Variants in SLC9C1 observed in about 807,000 individuals in gnomAD.
SLC9C1 encodes sodium/hydrogen exchanger 10.
In SLC9C1, 97 loss-of-function variants were observed where a neutral mutation model predicts 140.9. The ratio of observed to expected loss-of-function variants is 0.69; its 90% CI spans 0.58 to 0.82. The LOEUF (loss-of-function observed/expected upper bound fraction) is 0.82, where lower values mean the gene tolerates loss of function less well. Among genes scored for constraint, SLC9C1 ranks in the 40% least tolerant of loss-of-function variants. The pLI, the probability that SLC9C1 is intolerant of heterozygous loss-of-function variation, is 0.00. For synonymous variants in SLC9C1, 440 were observed against 442.6 expected (o/e 0.99, Z 0.07); for missense variants, 1,340 against 1,389.3 (o/e 0.96, Z 0.56).
At position 112,246,191 on chromosome 3, in the gene SLC9C1, G is replaced by C. The variant is rs59572194; in HGVS notation, c.1198-2115C>G. On this transcript the variant is annotated intron_variant, in intron 10 of 28. Coordinates refer to ENST00000305815, the MANE Select transcript of SLC9C1 (RefSeq NM_183061.3). ...ACATGACATCAAGAGTGCAGCATCA[G>C]CCTCTGGCTTGTAAAGGCACCCAGT... Among the ~76,000 whole-genome samples the C allele has an allele frequency of 1.2e-4, 18 of 152,228 alleles. No individual in the cohort carries two copies. In the East Asian group the frequency reaches 3.5e-3, roughly 29 times the overall value.
chr3:112,174,783 T>A (rs2077306294), intron 23 of SLC9C1, among the ~76,000 whole-genome samples: 1 of 152,164 alleles, frequency 6.6e-6, no homozygotes. Context: ...GACTCTATGA[T>A]TTCCTCCTTG....
At chr3:112,254,850 T>C (rs1304787) in intron 10 of SLC9C1, among the ~76,000 whole-genome samples, 89,932 of 151,816 alleles carry the variant, frequency 0.59, 27,148 homozygotes, top group East Asian at 0.79. Flanking sequence ...AGAGACCCCT[T>C]TCATCTGCAG....
chr3:112,264,111 T>C (rs2079851211), intron 9 of SLC9C1, 89 bp downstream of exon 9: 1 of 620,916 alleles, frequency 1.6e-6, no homozygotes, highest in Non-Finnish European at 2.3e-6. Context: ...TTTTTCAATC[T>C]AAGGTACGAA....
chr3:112,264,441 C>A, intron 8 of SLC9C1, 98 bp from the exon 9 acceptor site: 1 of 625,062 alleles, frequency 1.6e-6, no homozygotes, highest in South Asian at 4.8e-5. Context: ...TAATGATTAC[C>A]AAAAAATGAA....
At chr3:112,161,703 G>A (rs1225197156) in intron 26 of SLC9C1, among the ~76,000 whole-genome samples, 7 of 152,066 alleles carry the variant, frequency 4.6e-5, no homozygotes, top group Admixed American at 1.3e-4. Context: ...GTCAGGTAGC[G>A]TGATGCCTCC....
chr3:112,275,990 G>A (rs1398007756), intron 5 of SLC9C1, among the ~76,000 whole-genome samples: 1 of 152,020 alleles, frequency 6.6e-6, no homozygotes, highest in African/African-American at 2.4e-5. Context: ...GATACAAGAA[G>A]GAAACGTAGA....
intron 28 of SLC9C1, among the ~76,000 whole-genome samples, chr3:112,146,513 T>C (rs1164687560): frequency 6.6e-6 from 1 of 152,210 alleles, no homozygotes. Context: ...ATGTTGTGTC[T>C]CTTTCATTTA....
chr3:112,145,284 G>C (rs945432905), intron 28 of SLC9C1, among the ~76,000 whole-genome samples: 1 of 152,146 alleles, frequency 6.6e-6, no homozygotes, highest in Admixed American at 6.5e-5. Flanking sequence ...TGTTGAACCA[G>C]TCTTGCATCC....
chr3:112,218,341 C>G (rs1340598428), intron 14 of SLC9C1, among the ~76,000 whole-genome samples: 1 of 151,966 alleles, frequency 6.6e-6, no homozygotes, highest in Non-Finnish European at 1.5e-5. Flanking sequence ...TGAGGCCCTA[C>G]CTTATAATGT....
intron 1 of SLC9C1, among the ~76,000 whole-genome samples, chr3:112,287,992 G>A (rs1008373467): frequency 2.3e-5 from 3 of 130,386 alleles, no homozygotes; most frequent in East Asian, 4.8e-4. Context: ...GCAGTGAGCC[G>A]AGATCGTGCC....
chr3:112,260,732 G>GT (rs923119462), intron 10 of SLC9C1, among the ~76,000 whole-genome samples: 12 of 152,028 alleles, frequency 7.9e-5, no homozygotes, highest in African/African-American at 2.9e-4. Context: ...AACCTATGTG[G>GT]TTTTCAGTGA....
At chr3:112,200,566 A>G (rs749355956) in intron 19 of SLC9C1, 145 bp downstream of exon 19, 12 of 667,404 alleles carry the variant, frequency 1.8e-5, no homozygotes, top group Admixed American at 3.3e-5. Context: ...AGAAAATAAG[A>G]TTGCATTGAT....
chr3:112,197,060 T>G (rs759702823), intron 20 of SLC9C1, among the ~76,000 whole-genome samples: 26 of 152,072 alleles, frequency 1.7e-4, no homozygotes, highest in Non-Finnish European at 3.8e-4. Flanking sequence ...TTTTTGGTGG[T>G]TGTAGTCTGT....
At chr3:112,144,174 C>CTTT (rs138026716) in intron 28 of SLC9C1, among the ~76,000 whole-genome samples, 15 of 72,166 alleles carry the variant, frequency 2.1e-4, no homozygotes, top group South Asian at 6.2e-4. Flanking sequence ...GATGCCCTGG[C>CTTT]TTTTTTTTTT....
Position 112,195,348 on chromosome 3 carries a change from C to G in SLC9C1, c.2523+3973G>C, listed in dbSNP as rs375893741. ...ACTTTATTCTTGTGCATGTAGAGAT[C>G]CAGTTTCTCAAAGAAAAAGCACATA... On this transcript the variant is annotated intron_variant, in intron 20 of 28. Transcript: ENST00000305815. 1.2e-4 allele frequency among the ~76,000 whole-genome samples: 18 copies of G among 152,148 alleles called. No individual in the cohort carries two copies. In the East Asian group the frequency reaches 3.3e-3, roughly 28 times the overall value.
At chr3:112,278,965 A>C (rs1390756366) in intron 3 of SLC9C1, 108 bp from the exon 4 acceptor site, 1 of 1,121,858 alleles carries the variant, frequency 8.9e-7, no homozygotes, top group Non-Finnish European at 1.3e-6. Context: ...TTTTTAAAAG[A>C]TATATCACAC....
At chr3:112,161,956 T>G (rs2075313224) in intron 26 of SLC9C1, among the ~76,000 whole-genome samples, 1 of 151,892 alleles carries the variant, frequency 6.6e-6, no homozygotes, top group Non-Finnish European at 1.5e-5. Context: ...TGAGCAGTGG[T>G]TTGTAGTTCT....
chr3:112,265,871 A>G (rs1263715812), intron 8 of SLC9C1, among the ~76,000 whole-genome samples: 1 of 152,100 alleles, frequency 6.6e-6, no homozygotes, highest in Non-Finnish European at 1.5e-5. Flanking sequence ...CAACTTAATT[A>G]AACTTAATTT....
At chr3:112,157,590 A>T (rs991996641) in intron 26 of SLC9C1, among the ~76,000 whole-genome samples, 1 of 151,854 alleles carries the variant, frequency 6.6e-6, no homozygotes, top group Non-Finnish European at 1.5e-5. Flanking sequence ...CTTGCATTGG[A>T]TTTATAGATT....
Sources: allele counts gnomAD v4.1 joint callset (sites outside exome capture counted in the v4.1 genomes callset), GRCh38; gene constraint gnomAD v4.1.1; transcripts MANE v1.5; gene names NCBI Gene and HGNC (gene_info 2026-07-23, HGNC 2026-07-21).